Variants in RALGPS2 observed in about 807,000 individuals in gnomAD.
RALGPS2 encodes the protein Ral GEF with PH domain and SH3 binding motif 2.
Under a neutral mutation model 86.8 loss-of-function variants are expected in RALGPS2, and 43 were observed. The observed-to-expected ratio is 0.50, with a 90% CI of 0.39 to 0.64. The LOEUF is 0.64. Among genes scored for constraint, RALGPS2 ranks in the 30% least tolerant of loss-of-function variants. The pLI is 0.00. For synonymous variants in RALGPS2, 243 were observed against 231.3 expected, an observed-to-expected ratio of 1.05 and a Z score of -0.46; for missense variants, 536 against 694.6, an observed-to-expected ratio of 0.77 and a Z score of 2.57.
chr1:178,899,653 G>GTTTTT (rs57623890), intron 17 of RALGPS2, among the ~76,000 whole-genome samples: 21 of 140,590 alleles, frequency 1.5e-4, no homozygotes, highest in Middle Eastern at 3.7e-3. Context: ...TTTGGTTTTG[G>GTTTTT]TTTTTTTTTT....
intron 4 of RALGPS2, among the ~76,000 whole-genome samples, chr1:178,807,510 ACTGT>A (rs1005505371): frequency 2.0e-5 from 3 of 152,150 alleles, no homozygotes; most frequent in Non-Finnish European, 2.9e-5. Context: ...AACTAAAAGG[ACTGT>A]CTTATTTCAG....
At chr1:178,780,120 A>G (rs929160164) in intron 2 of RALGPS2, among the ~76,000 whole-genome samples, 2 of 152,346 alleles carry the variant, frequency 1.3e-5, no homozygotes, top group Non-Finnish European at 2.9e-5. Flanking sequence ...ACAATCTTAT[A>G]TAACGTAATC....
chr1:178,746,501 G>A (rs1651340806), intron 1 of RALGPS2, among the ~76,000 whole-genome samples: 1 of 152,138 alleles, frequency 6.6e-6, no homozygotes, highest in Admixed American at 6.5e-5. Flanking sequence ...GGTTCTGCAA[G>A]GTCTTAGCTG....
intron 8 of RALGPS2, among the ~76,000 whole-genome samples, chr1:178,864,357 A>G (rs1658239807): frequency 6.6e-6 from 1 of 152,120 alleles, no homozygotes. Context: ...TAGGAGGGAT[A>G]CCTTTTCTTG....
chr1:178,862,604 T>C (rs1658109136), intron 8 of RALGPS2, among the ~76,000 whole-genome samples: 1 of 144,548 alleles, frequency 6.9e-6, no homozygotes, highest in African/African-American at 2.8e-5. Context: ...TTTATTTATT[T>C]ATTTATTTAT....
chr1:178,844,757 C>T (rs902985947), intron 8 of RALGPS2, among the ~76,000 whole-genome samples: 2 of 152,018 alleles, frequency 1.3e-5, no homozygotes, highest in Non-Finnish European at 2.9e-5. Context: ...ATTTTGCTGA[C>T]GAGAGCAAAC....
intron 18 of RALGPS2, among the ~76,000 whole-genome samples, chr1:178,902,880 A>T (rs1344796048): frequency 6.6e-6 from 1 of 152,170 alleles, no homozygotes; most frequent in Non-Finnish European, 1.5e-5. Context: ...AGTTAATTAT[A>T]ATATTTTACA....
At chr1:178,879,318 T>C (rs1014234923) in intron 10 of RALGPS2, 4 of 179,520 alleles carry the variant, frequency 2.2e-5, no homozygotes, top group African/African-American at 9.4e-5. Flanking sequence ...ACAGAAAAAT[T>C]AATGAAACTT....
chr1:178,861,824 T>C (rs1658035768), intron 8 of RALGPS2, among the ~76,000 whole-genome samples: 1 of 152,234 alleles, frequency 6.6e-6, no homozygotes, highest in Admixed American at 6.5e-5. Flanking sequence ...GGTCACTTTA[T>C]ACACTGCATT....
chr1:178,749,755 TAG>T lies in RALGPS2; in HGVS notation c.-84+24341_-84+24342del, dbSNP rs149422938. On this transcript the variant is annotated intron_variant, in intron 1 of 19. Transcript: ENST00000367635. Reference sequence around the variant, plus strand: ...GCTGGATTTGATCCATGCACAGAGGTAGAGAGTGCCTTACTTTGCATATTACT... The same window carrying T: ...GCTGGATTTGATCCATGCACAGAGGTAGAGTGCCTTACTTTGCATATTACT... Among the ~76,000 whole-genome samples, 1,428 of 152,084 alleles carry T rather than the reference TAG, an allele frequency of 9.4e-3. 22 individuals are homozygous for T. Among genetic ancestry groups the T allele is most frequent in the African/African-American group, 0.033 (1,351 of 41,468 alleles).
At chr1:178,750,136 T>C (rs1558101644) in intron 1 of RALGPS2, among the ~76,000 whole-genome samples, 2 of 152,108 alleles carry the variant, frequency 1.3e-5, no homozygotes. Context: ...AAAACAGTAC[T>C]TTCTGAAGTA....
intron 1 of RALGPS2, among the ~76,000 whole-genome samples, chr1:178,745,688 C>G (rs186388707): frequency 9.2e-5 from 14 of 152,152 alleles, no homozygotes; most frequent in Admixed American, 8.5e-4. Context: ...AAAATTAGGA[C>G]AAAATCTTTA....
intron 1 of RALGPS2, among the ~76,000 whole-genome samples, chr1:178,751,188 T>C (rs1330423054): frequency 6.6e-6 from 1 of 151,250 alleles, no homozygotes; most frequent in African/African-American, 2.4e-5. Context: ...AGAACCAACA[T>C]TCCTCCGTTA....
chr1:178,779,158 G>A (rs1258811150), intron 2 of RALGPS2, among the ~76,000 whole-genome samples: 1 of 152,182 alleles, frequency 6.6e-6, no homozygotes, highest in Non-Finnish European at 1.5e-5. Context: ...AGGCTGGAAT[G>A]TTGTAAGGGC....
intron 18 of RALGPS2, among the ~76,000 whole-genome samples, chr1:178,903,136 C>T (rs1558179670): frequency 6.6e-6 from 1 of 152,118 alleles, no homozygotes; most frequent in Non-Finnish European, 1.5e-5. Context: ...CAGCAGTTCA[C>T]AACTGGAATA....
intron 8 of RALGPS2, chr1:178,865,734 G>T: frequency 6.2e-7 from 1 of 1,612,832 alleles, no homozygotes; most frequent in Non-Finnish European, 8.5e-7. Flanking sequence ...GTGTCCACTA[G>T]TAGGAAGAAT....
intron 1 of RALGPS2, chr1:178,753,681 A>T (rs1651798577): frequency 6.6e-6 from 1 of 152,196 alleles, no homozygotes; most frequent in African/African-American, 2.4e-5. Flanking sequence ...TCTCTGTCTT[A>T]TTATGGAATC....
intron 17 of RALGPS2, 147 bp from the exon 18 acceptor site, chr1:178,901,959 A>G: frequency 1.7e-6 from 1 of 601,436 alleles, no homozygotes. Context: ...TTCAGCAGTA[A>G]AAGGCCCCAG....
intron 8 of RALGPS2, among the ~76,000 whole-genome samples, chr1:178,873,182 A>G (rs1490712814): frequency 1.3e-5 from 2 of 152,198 alleles, no homozygotes; most frequent in African/African-American, 2.4e-5. Context: ...TATTAATGCC[A>G]TTGCCAAAAT....
Sources: allele counts gnomAD v4.1 joint callset (sites outside exome capture counted in the v4.1 genomes callset), GRCh38; gene constraint gnomAD v4.1.1; transcripts MANE v1.5; gene names NCBI Gene and HGNC (gene_info 2026-07-23, HGNC 2026-07-21).